Variants in SIDT1 observed in about 807,000 individuals in gnomAD.
SIDT1 encodes the protein SID1 transmembrane family member 1.
Under a neutral mutation model 107.5 loss-of-function variants are expected in SIDT1, and 101 were observed. The observed-to-expected ratio is 0.94, with a 90% CI of 0.80 to 1.11. The LOEUF (loss-of-function observed/expected upper bound fraction) is 1.11. Among genes scored for constraint, SIDT1 ranks in the 50% least tolerant of loss-of-function variants. The pLI is 0.00. For synonymous variants in SIDT1, 395 were observed against 398.2 expected (o/e 0.99, Z 0.10); for missense variants, 1,076 against 1,058.2 (o/e 1.02, Z -0.23).
At chr3:113,543,363 C>T (rs777680611) in intron 1 of SIDT1, among the ~76,000 whole-genome samples, 102 of 152,214 alleles carry the variant, frequency 6.7e-4, no homozygotes, top group Non-Finnish European at 1.0e-3. Flanking sequence ...TTTTAATTGC[C>T]GTTCTCAGAT....
intron 16 of SIDT1, 94 bp from the exon 17 acceptor site, chr3:113,608,325 A>G: frequency 1.9e-6 from 3 of 1,544,244 alleles, no homozygotes; most frequent in Non-Finnish European, 2.7e-6. Flanking sequence ...TGTGTAATAA[A>G]CTACATGAGG....
At chr3:113,566,376 G>T (rs1325523314) in intron 1 of SIDT1, 44 bp from the exon 2 acceptor site, 2 of 1,591,694 alleles carry the variant, frequency 1.3e-6, no homozygotes, top group Non-Finnish European at 1.7e-6. Context: ...TTGCATGTGT[G>T]CATGTGCACG....
intron 2 of SIDT1, among the ~76,000 whole-genome samples, 181 bp downstream of exon 2, chr3:113,566,722 A>G (rs1420076295): frequency 6.6e-6 from 1 of 152,218 alleles, no homozygotes; most frequent in Non-Finnish European, 1.5e-5. Context: ...CTGTTCAATT[A>G]TTAGATGAGC....
At chr3:113,549,745 T>G (rs538778843) in intron 1 of SIDT1, among the ~76,000 whole-genome samples, 1 of 152,330 alleles carries the variant, frequency 6.6e-6, no homozygotes, top group South Asian at 2.1e-4. Context: ...TATTTTTATT[T>G]TAATAAACAA....
intron 1 of SIDT1, among the ~76,000 whole-genome samples, chr3:113,548,142 C>G (rs951643738): frequency 1.3e-5 from 2 of 152,048 alleles, no homozygotes; most frequent in African/African-American, 4.8e-5. Flanking sequence ...CTCATTGATA[C>G]CTTCTCTCCA....
At chr3:113,591,165 C>G (rs924536830) in intron 9 of SIDT1, among the ~76,000 whole-genome samples, 5 of 152,160 alleles carry the variant, frequency 3.3e-5, no homozygotes, top group Non-Finnish European at 5.9e-5. Context: ...CTAGAAGCTT[C>G]AAAGACAAGA....
chr3:113,608,604 A>T, intron 17 of SIDT1, 68 bp downstream of exon 17: 1 of 1,137,104 alleles, frequency 8.8e-7, no homozygotes, highest in Admixed American at 1.7e-5. Context: ...CTCCCCAAAA[A>T]TGCCAAAGTC....
At chr3:113,536,414 T>C (rs1480526658) in intron 1 of SIDT1, among the ~76,000 whole-genome samples, 1 of 152,194 alleles carries the variant, frequency 6.6e-6, no homozygotes, top group Non-Finnish European at 1.5e-5. Flanking sequence ...ACCTCCCCTC[T>C]TCAGTGCAAC....
chr3:113,607,879 G>A (rs1454341185), intron 15 of SIDT1, among the ~76,000 whole-genome samples: 1 of 152,198 alleles, frequency 6.6e-6, no homozygotes, highest in East Asian at 1.9e-4. Context: ...GCACCCTTGA[G>A]AGGAAACAGT....
At chr3:113,603,879 A>G in intron 12 of SIDT1, 81 bp from the exon 13 acceptor site, 1 of 854,224 alleles carries the variant, frequency 1.2e-6, no homozygotes, top group Non-Finnish European at 1.9e-6. Context: ...TTAAATTGAG[A>G]CATTTGTTAT....
intron 1 of SIDT1, among the ~76,000 whole-genome samples, chr3:113,552,458 G>T (rs1456192398): frequency 2.0e-5 from 3 of 152,120 alleles, no homozygotes; most frequent in South Asian, 2.1e-4. Flanking sequence ...AAGGGTCTTA[G>T]CTACAAACAA....
chr3:113,559,466 G>A (rs1272501057), intron 1 of SIDT1, among the ~76,000 whole-genome samples: 2 of 149,670 alleles, frequency 1.3e-5, no homozygotes, highest in South Asian at 2.1e-4. Flanking sequence ...TTGAGACAGG[G>A]TTTTCACTCC....
Position 113,606,958 on chromosome 3 carries a change from G to A in SIDT1, c.1405-83G>A, listed in dbSNP as rs1945377915. ...AACTAGTGACAGTGCATCTCCGTGAGCCCTGTCTGCTCTTTGTGTTCCTGC... is the reference window on the plus strand; with the variant it reads ...AACTAGTGACAGTGCATCTCCGTGAACCCTGTCTGCTCTTTGTGTTCCTGC... On this transcript the variant is annotated intron_variant, in intron 14 of 24. Coordinates refer to ENST00000264852, the MANE Select transcript of SIDT1 (RefSeq NM_017699.3). 8.2e-6 allele frequency: 7 copies of A among 850,254 alleles called. No homozygotes were observed. The South Asian group carries it at 8.4e-5, about 10-fold the overall frequency. The allele number at this position is 850,254 out of a possible 1,614,324, so 52.7% of individuals were successfully genotyped here.
chr3:113,544,845 G>T (rs530109258), intron 1 of SIDT1, among the ~76,000 whole-genome samples: 13 of 152,084 alleles, frequency 8.5e-5, no homozygotes, highest in African/African-American at 2.9e-4. Context: ...CAGGTGCGGC[G>T]GCTCAAGCCT....
At chr3:113,606,901 C>T (rs1433998165) in intron 14 of SIDT1, 140 bp from the exon 15 acceptor site, 1 of 587,222 alleles carries the variant, frequency 1.7e-6, no homozygotes, top group Non-Finnish European at 3.1e-6. Flanking sequence ...GATAATGGCC[C>T]ATCTGTGCAG....
At chr3:113,569,615 A>T (rs1173579470) in intron 3 of SIDT1, among the ~76,000 whole-genome samples, 1 of 152,232 alleles carries the variant, frequency 6.6e-6, no homozygotes, top group Non-Finnish European at 1.5e-5. Context: ...ATGAGTGGTC[A>T]GAAGGATGGA....
intron 4 of SIDT1, among the ~76,000 whole-genome samples, chr3:113,577,589 T>C (rs917027667): frequency 1.3e-5 from 2 of 152,210 alleles, no homozygotes; most frequent in African/African-American, 4.8e-5. Flanking sequence ...AAAACTTGGA[T>C]TAAGTCAGGC....
intron 10 of SIDT1, among the ~76,000 whole-genome samples, chr3:113,596,897 A>T (rs1247645341): frequency 6.6e-6 from 1 of 152,202 alleles, no homozygotes; most frequent in Non-Finnish European, 1.5e-5. Context: ...TGGCCAACCC[A>T]ATCCTTCCCT....
At chr3:113,595,532 T>C (rs760464608) in intron 10 of SIDT1, among the ~76,000 whole-genome samples, 1 of 151,124 alleles carries the variant, frequency 6.6e-6, no homozygotes, top group Non-Finnish European at 1.5e-5. Context: ...TGAGCTGAGA[T>C]CGCACCACTG....
Sources: allele counts gnomAD v4.1 joint callset (sites outside exome capture counted in the v4.1 genomes callset), GRCh38; gene constraint gnomAD v4.1.1; transcripts MANE v1.5; gene names NCBI Gene and HGNC (gene_info 2026-07-23, HGNC 2026-07-21).